The following LIMCH1 variants were observed in gnomAD, a reference collection of about 807,000 sequenced individuals.
The protein encoded by LIMCH1 is LIM and calponin homology domains-containing protein 1.
LIMCH1 carries 113 observed loss-of-function variants against 176.5 expected under a neutral mutation model. The ratio of observed to expected loss-of-function variants is 0.64; its 90% confidence interval spans 0.55 to 0.75. The LOEUF (loss-of-function observed/expected upper bound fraction) is 0.75. LIMCH1 is among the 30% of genes least tolerant of loss of function. The pLI, the probability that LIMCH1 is intolerant of heterozygous loss-of-function variation, is 0.00. For missense variants in LIMCH1, 1,674 were observed against 1,814.9 expected (o/e 0.92, Z 1.41); for synonymous variants, 619 against 645.9 (o/e 0.96, Z 0.63).
At chr4:41,614,085 GCA>G (rs2091788656) in intron 5 of LIMCH1, among the ~76,000 whole-genome samples, 1 of 152,212 alleles carries the variant, frequency 6.6e-6, no homozygotes, top group South Asian at 2.1e-4. Context: ...GAAATGAACT[GCA>G]CACACTTAGA....
At chr4:41,437,820 A>G (rs998142593) in intron 1 of LIMCH1, among the ~76,000 whole-genome samples, 3 of 152,048 alleles carry the variant, frequency 2.0e-5, no homozygotes, top group African/African-American at 7.3e-5. Context: ...ACTGTAAGTC[A>G]TTAAAGCAGT....
In LIMCH1 at chr4:41,592,646, C is replaced by T. The variant is rs541177227; in HGVS notation, c.-240-6274C>T. 1.6e-4 allele frequency among the ~76,000 whole-genome samples: 24 copies of T among 152,266 alleles called. No homozygotes were observed. The East Asian group carries it at 2.1e-3, about 13-fold the overall frequency. On this transcript the variant is annotated intron_variant, in intron 1 of 31. Transcript: ENST00000503057. ...CAATGAGTGCCCAGAAGGTGCCAGA[C>T]GCTGAGCTGTGTTCTTAATGTATAT...
intron 1 of LIMCH1, among the ~76,000 whole-genome samples, chr4:41,494,332 T>C (rs1013876766): frequency 1.3e-5 from 2 of 149,306 alleles, no homozygotes; most frequent in Admixed American, 6.7e-5. Context: ...TACATATATA[T>C]ACACATACAT....
chr4:41,481,652 CAGAG>C (rs959845616), intron 1 of LIMCH1, among the ~76,000 whole-genome samples: 13 of 151,492 alleles, frequency 8.6e-5, no homozygotes. Context: ...AGCGTAGAGA[CAGAG>C]AGAAAAGGAC....
At chr4:41,472,460 C>T (rs767820091) in intron 1 of LIMCH1, among the ~76,000 whole-genome samples, 5 of 151,970 alleles carry the variant, frequency 3.3e-5, no homozygotes, top group Non-Finnish European at 5.9e-5. Context: ...CACTCTGTCA[C>T]CCTGGCTCGA....
At chr4:41,561,397 T>C (rs1231809355) in intron 1 of LIMCH1, among the ~76,000 whole-genome samples, 1 of 152,176 alleles carries the variant, frequency 6.6e-6, no homozygotes. Context: ...TCTTGGTGAG[T>C]CAGGGCTTGT....
intron 1 of LIMCH1, among the ~76,000 whole-genome samples, chr4:41,446,796 G>A (rs2063333619): frequency 6.6e-6 from 1 of 152,178 alleles, no homozygotes; most frequent in African/African-American, 2.4e-5. Flanking sequence ...AAAGTGGCAA[G>A]TGGCCTCAGA....
intron 1 of LIMCH1, among the ~76,000 whole-genome samples, chr4:41,557,454 G>C (rs1018962285): frequency 4.0e-5 from 6 of 151,820 alleles, no homozygotes; most frequent in African/African-American, 1.5e-4. Context: ...AGGTATCCAG[G>C]GAAGTTTAAA....
At chr4:41,571,760 A>G (rs2083596674) in intron 1 of LIMCH1, among the ~76,000 whole-genome samples, 1 of 152,124 alleles carries the variant, frequency 6.6e-6, no homozygotes, top group East Asian at 1.9e-4. Flanking sequence ...TAATGACAAG[A>G]TTCAAAGTGG....
intron 24 of LIMCH1, among the ~76,000 whole-genome samples, chr4:41,680,682 TC>T (rs111369583): frequency 5.1e-4 from 77 of 152,334 alleles, no homozygotes; most frequent in African/African-American, 1.7e-3. Context: ...CATAATCAGA[TC>T]CCTAATAGCA....
At chr4:41,550,576 C>T (rs2080257043) in intron 1 of LIMCH1, among the ~76,000 whole-genome samples, 1 of 151,682 alleles carries the variant, frequency 6.6e-6, no homozygotes, top group Non-Finnish European at 1.5e-5. Flanking sequence ...AGTGCCATGG[C>T]AACAAAAAAC....
At chr4:41,400,361 A>G (rs1281704739) in intron 1 of LIMCH1, among the ~76,000 whole-genome samples, 1 of 152,196 alleles carries the variant, frequency 6.6e-6, no homozygotes. Context: ...CATAAAATGC[A>G]TAATTTTCTC....
At chr4:41,470,675 C>T (rs1217738746) in intron 1 of LIMCH1, among the ~76,000 whole-genome samples, 2 of 152,186 alleles carry the variant, frequency 1.3e-5, no homozygotes, top group African/African-American at 2.4e-5. Flanking sequence ...TACACAACCC[C>T]TTAACAATTT....
At chr4:41,692,105 T>C (rs1211995204) in intron 30 of LIMCH1, among the ~76,000 whole-genome samples, 177 bp from the exon 31 acceptor site, 1 of 152,246 alleles carries the variant, frequency 6.6e-6, no homozygotes, top group African/African-American at 2.4e-5. Context: ...AATTGCTAAC[T>C]GTATATTTGC....
At chr4:41,414,763 G>A (rs937210576) in intron 1 of LIMCH1, among the ~76,000 whole-genome samples, 2 of 152,124 alleles carry the variant, frequency 1.3e-5, no homozygotes, top group African/African-American at 4.8e-5. Context: ...GTGCTTTAAA[G>A]CAACTTAAAT....
chr4:41,638,111 G>GT (rs72184052), intron 13 of LIMCH1, among the ~76,000 whole-genome samples: 13 of 91,610 alleles, frequency 1.4e-4, no homozygotes, highest in African/African-American at 4.7e-4. Flanking sequence ...TTTTGTTGTT[G>GT]TTGTTGTTGT....
intron 18 of LIMCH1, among the ~76,000 whole-genome samples, chr4:41,660,336 T>C: frequency 6.6e-6 from 1 of 152,168 alleles, no homozygotes; most frequent in Non-Finnish European, 1.5e-5. Flanking sequence ...ACTGACACAA[T>C]TGAAGTACTA....
chr4:41,597,124 C>T (rs146461662), intron 1 of LIMCH1, among the ~76,000 whole-genome samples: 5 of 152,202 alleles, frequency 3.3e-5, no homozygotes, highest in South Asian at 2.1e-4. Context: ...CCATGGCCTT[C>T]GAGGCGTCTA....
intron 1 of LIMCH1, among the ~76,000 whole-genome samples, chr4:41,487,690 G>T (rs556660077): frequency 2.8e-4 from 34 of 121,934 alleles, no homozygotes; most frequent in African/African-American, 1.0e-3. Context: ...ACGGAGTCTC[G>T]CTCTGTCGCC....
Sources: gnomAD v4.1 joint callset for allele counts (sites outside exome capture counted in the v4.1 genomes callset) on GRCh38, gnomAD v4.1.1 for gene constraint, MANE v1.5 for transcripts, NCBI Gene and HGNC (gene_info 2026-07-23, HGNC 2026-07-21) for gene names.